GNAI1: variants seen among roughly 807,000 people sequenced by gnomAD.
GNAI1 encodes guanine nucleotide-binding protein G(i) subunit alpha-1.
GNAI1 carries 11 observed loss-of-function variants against 38.9 expected under a neutral mutation model. The observed-to-expected ratio is 0.28, with a 90% confidence interval of 0.18 to 0.47. The LOEUF is 0.47. GNAI1 is among the 20% of genes least tolerant of loss of function. The pLI is 0.99. For synonymous variants in GNAI1, 166 were observed against 145.1 expected (o/e 1.14, Z -1.04); for missense variants, 317 against 436.9 (o/e 0.73, Z 2.45).
chr7:80,213,344 T>C (rs567037091), intron 7 of GNAI1, among the ~76,000 whole-genome samples: 3 of 152,218 alleles, frequency 2.0e-5, no homozygotes, highest in African/African-American at 7.2e-5. Flanking sequence ...GCAGGGAAGG[T>C]TTCACAAGAA....
intron 1 of GNAI1, among the ~76,000 whole-genome samples, chr7:80,182,673 A>G (rs1374585757): frequency 6.6e-6 from 1 of 152,214 alleles, no homozygotes; most frequent in East Asian, 1.9e-4. Flanking sequence ...ATAGCACAGA[A>G]AGAAAATATT....
Position 80,220,685 on chromosome 7 carries a change from A to G in GNAI1, c.*3192A>G, listed in dbSNP as rs1053831383. On this transcript the variant is annotated 3_prime_UTR_variant, in exon 8 of 8. Transcript: ENST00000649796. ...GTTTGTTACTGAAAAAGTACTGATTAAAATCCATATGTTCTCATTGAATAC... is the reference window on the plus strand; with the variant it reads ...GTTTGTTACTGAAAAAGTACTGATTGAAATCCATATGTTCTCATTGAATAC... Among the ~76,000 whole-genome samples the G allele has an allele frequency of 1.3e-5, 2 of 152,230 alleles. No homozygotes were observed. The highest frequency in any genetic ancestry group is 1.5e-5 in the Non-Finnish European group (1 of 68,040).
At chr7:80,148,880 A>G (rs981807754) in intron 1 of GNAI1, among the ~76,000 whole-genome samples, 5 of 152,136 alleles carry the variant, frequency 3.3e-5, no homozygotes, top group Admixed American at 6.5e-5. Context: ...TCCTTGTAAT[A>G]TATTTCCCAC....
intron 1 of GNAI1, chr7:80,135,817 C>G (rs959269599): frequency 2.6e-5 from 26 of 985,200 alleles, no homozygotes; most frequent in Non-Finnish European, 3.1e-5. Context: ...CTGTTAACTT[C>G]CTATGGCGAC....
At chr7:80,191,755 T>A (rs1327384745) in intron 3 of GNAI1, among the ~76,000 whole-genome samples, 3 of 152,198 alleles carry the variant, frequency 2.0e-5, no homozygotes, top group Non-Finnish European at 4.4e-5. Flanking sequence ...AACCCTGAGT[T>A]GAAGGATAAC....
chr7:80,194,185 A>C (rs1374512896), intron 3 of GNAI1, among the ~76,000 whole-genome samples: 1 of 152,074 alleles, frequency 6.6e-6, no homozygotes, highest in East Asian at 1.9e-4. Flanking sequence ...AATCTTTGCT[A>C]ATTTGTTGTT....
chr7:80,159,347 G>GAT (rs1787877468), intron 1 of GNAI1, among the ~76,000 whole-genome samples: 1 of 152,196 alleles, frequency 6.6e-6, no homozygotes, highest in African/African-American at 2.4e-5. Context: ...TGTGTACATT[G>GAT]ATACCCTGTA....
In GNAI1 at chr7:80,222,497, C is replaced by G. The variant is rs1215162812; in HGVS notation, c.*5004C>G. Among the ~76,000 whole-genome samples, 1 of 151,058 alleles carries G rather than the reference C, an allele frequency of 6.6e-6. No homozygotes were observed. The highest frequency in any genetic ancestry group is 6.6e-5 in the Admixed American group (1 of 15,096). ...CCGCCTCCCGGGTACAAGCAATTCTCCTGCCTCAGGTTCCCGAGTAGCTGG... is the reference window on the plus strand; with the variant it reads ...CCGCCTCCCGGGTACAAGCAATTCTGCTGCCTCAGGTTCCCGAGTAGCTGG... On this transcript the variant is annotated 3_prime_UTR_variant, in exon 8 of 8. Transcript: ENST00000649796.
chr7:80,163,159 G>A (rs1048817240), intron 1 of GNAI1, among the ~76,000 whole-genome samples: 2 of 152,002 alleles, frequency 1.3e-5, no homozygotes, highest in Non-Finnish European at 2.9e-5. Flanking sequence ...CTTTTATATA[G>A]CATCTGAAGG....
chr7:80,161,540 A>C (rs943650458), intron 1 of GNAI1, among the ~76,000 whole-genome samples: 3 of 152,190 alleles, frequency 2.0e-5, no homozygotes, highest in African/African-American at 7.2e-5. Context: ...TGTTTGTGTC[A>C]TAATTGTTTG....
At position 80,137,289 on chromosome 7, in the gene GNAI1, TTTTC is replaced by T. The variant is rs1306903333; in HGVS notation, c.118+2015_118+2018del. Among the ~76,000 whole-genome samples, 4 of 106,026 alleles carry T rather than the reference TTTTC, an allele frequency of 3.8e-5. No individual in the cohort carries two copies. In the East Asian group the frequency reaches 7.1e-4, roughly 19 times the overall value. 69.6% of individuals were successfully genotyped at this position (106,026 alleles called of 152,430 possible). A position where few individuals can be genotyped will look rare whatever the true frequency, so the allele number is the denominator to read the frequency against. On this transcript the variant is annotated intron_variant, in intron 1 of 7. Transcript: ENST00000649796. The stretch of plus-strand genomic sequence containing the variant: ...TATGGAATTCTTATTTCTTTTTCTT[TTTTC>T]TTTTTTTTTTTTTCTTTTCTTTTCT...
chr7:80,137,317 CTTT>C (rs398005254), intron 1 of GNAI1, among the ~76,000 whole-genome samples: 19 of 53,986 alleles, frequency 3.5e-4, no homozygotes, highest in South Asian at 8.0e-4. Flanking sequence ...CTTTTCTTTT[CTTT>C]TTTTTTTTTT....
At chr7:80,147,045 A>G (rs1227376279) in intron 1 of GNAI1, among the ~76,000 whole-genome samples, 1 of 152,202 alleles carries the variant, frequency 6.6e-6, no homozygotes, top group African/African-American at 2.4e-5. Context: ...ACCAAAAACT[A>G]TAATTAGTGA....
chr7:80,210,273 A>G (rs985193387), intron 5 of GNAI1, among the ~76,000 whole-genome samples: 3 of 152,204 alleles, frequency 2.0e-5, no homozygotes, highest in African/African-American at 7.2e-5. Context: ...TCACTAACCT[A>G]TAGTGGTTCA....
chr7:80,211,529 C>A (rs1453044387), intron 6 of GNAI1, among the ~76,000 whole-genome samples: 2 of 151,894 alleles, frequency 1.3e-5, no homozygotes, highest in African/African-American at 2.4e-5. Context: ...GCCAGTTCTC[C>A]TGCCTCAGCC....
intron 5 of GNAI1, among the ~76,000 whole-genome samples, chr7:80,210,379 A>G (rs149206759): frequency 2.0e-5 from 3 of 152,128 alleles, no homozygotes; most frequent in African/African-American, 7.2e-5. Context: ...TCATTTTGTA[A>G]TGTATCATGA....
At chr7:80,200,149 C>A (rs888196488) in intron 4 of GNAI1, among the ~76,000 whole-genome samples, 8 of 151,224 alleles carry the variant, frequency 5.3e-5, no homozygotes, top group African/African-American at 1.2e-4. Context: ...GACCTCCCCC[C>A]ACCATCTCTA....
intron 1 of GNAI1, among the ~76,000 whole-genome samples, chr7:80,142,593 C>CA (rs1357772074): frequency 6.6e-6 from 1 of 152,196 alleles, no homozygotes; most frequent in African/African-American, 2.4e-5. Flanking sequence ...TGGGATGGCA[C>CA]ATAGTAGCTG....
At chr7:80,191,677 C>T (rs1332251488) in intron 3 of GNAI1, among the ~76,000 whole-genome samples, 1 of 152,146 alleles carries the variant, frequency 6.6e-6, no homozygotes, top group Non-Finnish European at 1.5e-5. Flanking sequence ...CAAGCGTGAG[C>T]CACCACGCCA....
Sources: gnomAD v4.1 joint callset for allele counts (sites outside exome capture counted in the v4.1 genomes callset) on GRCh38, gnomAD v4.1.1 for gene constraint, MANE v1.5 for transcripts, NCBI Gene and HGNC (gene_info 2026-07-23, HGNC 2026-07-21) for gene names.